Variants in HSPA12A observed in about 807,000 individuals in gnomAD.
HSPA12A encodes heat shock protein family A (Hsp70) member 12A.
In HSPA12A, 28 loss-of-function variants were observed where a neutral mutation model predicts 69.2. The ratio of observed to expected loss-of-function variants is 0.40; its 90% CI spans 0.30 to 0.55. HSPA12A has a LOEUF of 0.55. HSPA12A is among the 20% of genes least tolerant of loss of function. HSPA12A has a pLI of 0.38. For synonymous variants in HSPA12A, 345 were observed against 370.5 expected (o/e 0.93, Z 0.79); for missense variants, 686 against 900.7 (o/e 0.76, Z 3.05).
At chr10:116,818,538 G>C (rs1312228024) in intron 2 of HSPA12A, among the ~76,000 whole-genome samples, 1 of 152,140 alleles carries the variant, frequency 6.6e-6, no homozygotes, top group Admixed American at 6.5e-5. Flanking sequence ...TGGTGTCCCA[G>C]GTCACCCACT....
At chr10:116,699,442 AT>A (rs1474696861) in intron 4 of HSPA12A, among the ~76,000 whole-genome samples, 3 of 152,102 alleles carry the variant, frequency 2.0e-5, no homozygotes. Context: ...GAGAGCAAAA[AT>A]CAGGAGGAAG....
chr10:116,699,934 G>A (rs1850033087), intron 4 of HSPA12A, among the ~76,000 whole-genome samples: 1 of 152,250 alleles, frequency 6.6e-6, no homozygotes, highest in African/African-American at 2.4e-5. Flanking sequence ...ACTTATGTTT[G>A]CTTTGTCATC....
chr10:116,706,671 G>A (rs1005796123), intron 2 of HSPA12A, among the ~76,000 whole-genome samples: 16 of 152,126 alleles, frequency 1.1e-4, no homozygotes, highest in Non-Finnish European at 4.4e-5. Context: ...CTCATACAGG[G>A]CAGGGTGGGA....
intron 2 of HSPA12A, among the ~76,000 whole-genome samples, chr10:116,787,926 T>C (rs74479537): frequency 0.012 from 1,885 of 152,244 alleles, 19 homozygotes; most frequent in South Asian, 0.026. Flanking sequence ...GGTAGGAGTC[T>C]GCTTGGTCTA....
intron 5 of HSPA12A, among the ~76,000 whole-genome samples, chr10:116,696,242 A>T (rs1343381824): frequency 6.6e-6 from 1 of 152,136 alleles, no homozygotes; most frequent in Non-Finnish European, 1.5e-5. Context: ...TCACAGTGGC[A>T]CAAAATAGAC....
At position 116,672,038 on chromosome 10, in the gene HSPA12A, C is replaced by T. The variant is rs781784802; in HGVS notation, c.*2743G>A. On this transcript the variant is annotated 3_prime_UTR_variant, in exon 12 of 12. Transcript: ENST00000369209. ...ATCTGCCAACACTGCAGATTTCTATCTGCTCATTTAAGAGAAACAGTACAC... is the reference window on the plus strand; with the variant it reads ...ATCTGCCAACACTGCAGATTTCTATTTGCTCATTTAAGAGAAACAGTACAC... 6.6e-6 allele frequency: 1 copy of T among 152,210 alleles called. No homozygotes were observed. The highest frequency in any genetic ancestry group is 2.4e-5 in the African/African-American group (1 of 41,444). 9.4% of individuals were successfully genotyped at this position (152,210 alleles called of 1,614,324 possible).
intron 1 of HSPA12A, among the ~76,000 whole-genome samples, chr10:116,843,246 G>A (rs1467675813): frequency 6.6e-6 from 1 of 152,170 alleles, no homozygotes; most frequent in East Asian, 1.9e-4. Context: ...AAATTAAAGT[G>A]ATACATCACC....
chr10:116,720,355 C>T (rs962936108), intron 1 of HSPA12A, among the ~76,000 whole-genome samples: 9 of 152,230 alleles, frequency 5.9e-5, no homozygotes, highest in African/African-American at 2.2e-4. Context: ...GGACTCCAGA[C>T]TCTCCAACTG....
In HSPA12A at chr10:116,705,952, G is replaced by A. The variant is rs542666360; in HGVS notation, c.127-674C>T. ...GCTCTGTCGCCCAGGCTGGAGCGCA[G>A]TGGCCCAATCTCGGCTCACTGCAAG... is the stretch of plus-strand genomic sequence containing the variant. On this transcript the variant is annotated intron_variant, in intron 2 of 11. Transcript: ENST00000369209. 2.1e-4 allele frequency among the ~76,000 whole-genome samples: 31 copies of A among 145,082 alleles called. No individual in the cohort carries two copies. In the South Asian group the frequency reaches 6.3e-3, roughly 30 times the overall value.
intron 10 of HSPA12A, among the ~76,000 whole-genome samples, chr10:116,678,555 T>C (rs1015507578): frequency 8.3e-5 from 11 of 132,688 alleles, no homozygotes; most frequent in Non-Finnish European, 1.5e-4. Flanking sequence ...AGCTGCTATG[T>C]AGAGCCCTCA....
chr10:116,816,879 A>G lies in HSPA12A; in HGVS notation c.91+18056T>C, dbSNP rs183751447. ...CTTTGCTCAGTATTGGATTGAGGCTAAGTTTATTTTTCTGGTGGGGAAATC... is the reference window on the plus strand; with the variant it reads ...CTTTGCTCAGTATTGGATTGAGGCTGAGTTTATTTTTCTGGTGGGGAAATC... On this transcript the variant is annotated intron_variant, in intron 2 of 12. Transcript: ENST00000635765. Among the ~76,000 whole-genome samples the G allele has an allele frequency of 3.9e-5, 6 of 152,296 alleles. No homozygotes were observed. In the East Asian group the frequency reaches 1.2e-3, roughly 29 times the overall value.
chr10:116,757,621 G>C (rs1843880044), intron 2 of HSPA12A, among the ~76,000 whole-genome samples: 2 of 152,218 alleles, frequency 1.3e-5, no homozygotes. Context: ...AGGCAGCGGA[G>C]GTCAGGGTTA....
intron 2 of HSPA12A, among the ~76,000 whole-genome samples, chr10:116,778,606 A>G (rs1844393017): frequency 6.6e-6 from 1 of 152,186 alleles, no homozygotes; most frequent in Non-Finnish European, 1.5e-5. Context: ...GCCTGGCTTC[A>G]TCAGAAAGTC....
At chr10:116,782,682 T>C (rs554012386) in intron 2 of HSPA12A, among the ~76,000 whole-genome samples, 2 of 152,302 alleles carry the variant, frequency 1.3e-5, no homozygotes, top group South Asian at 4.1e-4. Context: ...CTCATAGACA[T>C]GCTATCAACT....
intron 2 of HSPA12A, among the ~76,000 whole-genome samples, chr10:116,803,049 G>A (rs976658164): frequency 2.1e-5 from 1 of 47,278 alleles, no homozygotes; most frequent in African/African-American, 3.7e-5. Flanking sequence ...GTAAGCCACC[G>A]GGAGATGAGG....
intron 3 of HSPA12A, 41 bp downstream of exon 3, chr10:116,705,110 G>A (rs781912956): frequency 1.0e-4 from 162 of 1,611,762 alleles, no homozygotes; most frequent in Non-Finnish European, 1.3e-4. Context: ...AGGTGCAGTG[G>A]TTGGCACCAG....
intron 2 of HSPA12A, chr10:116,833,421 C>CA (rs996485811): frequency 6.6e-6 from 1 of 151,920 alleles, no homozygotes; most frequent in Non-Finnish European, 1.5e-5. Flanking sequence ...CAAAACAAAA[C>CA]AAAAAAACAA....
intron 2 of HSPA12A, among the ~76,000 whole-genome samples, chr10:116,767,180 C>G (rs1334901211): frequency 6.6e-6 from 1 of 152,170 alleles, no homozygotes; most frequent in Non-Finnish European, 1.5e-5. Flanking sequence ...CTGGAGGAAA[C>G]AGTGGCCCTG....
At chr10:116,849,261 A>G (rs997257640) in intron 1 of HSPA12A, among the ~76,000 whole-genome samples, 3 of 152,224 alleles carry the variant, frequency 2.0e-5, no homozygotes, top group Non-Finnish European at 2.9e-5. Flanking sequence ...TGAGGTCGTT[A>G]AAGATTTCCC....
Sources: gnomAD v4.1 joint callset for allele counts (sites outside exome capture counted in the v4.1 genomes callset) on GRCh38, gnomAD v4.1.1 for gene constraint, MANE v1.5 for transcripts, NCBI Gene and HGNC (gene_info 2026-07-23, HGNC 2026-07-21) for gene names.